Variants in ATP8B4 observed in about 807,000 individuals in gnomAD.
ATP8B4 encodes the protein probable phospholipid-transporting ATPase IM.
Under a neutral mutation model 145.6 loss-of-function variants are expected in ATP8B4, and 133 were observed. The observed-to-expected ratio is 0.91, with a 90% confidence interval of 0.79 to 1.05. The LOEUF is 1.05. ATP8B4 is among the 50% of genes least tolerant of loss of function. ATP8B4 has a pLI of 0.00. For synonymous variants in ATP8B4, 507 were observed against 492.9 expected, an observed-to-expected ratio of 1.03 and a Z score of -0.38; for missense variants, 1,458 against 1,425.2, an observed-to-expected ratio of 1.02 and a Z score of -0.37.
chr15:50,112,523 C>G (rs2056994535), intron 1 of ATP8B4, among the ~76,000 whole-genome samples: 1 of 152,038 alleles, frequency 6.6e-6, no homozygotes. Context: ...ATGCTCCTTT[C>G]TCTGTTCCGT....
intron 6 of ATP8B4, among the ~76,000 whole-genome samples, chr15:50,028,575 A>G (rs957601804): frequency 6.6e-6 from 1 of 152,182 alleles, no homozygotes; most frequent in Admixed American, 6.5e-5. Context: ...AGAAGTAAAA[A>G]CAACAAAATG....
intron 25 of ATP8B4, among the ~76,000 whole-genome samples, chr15:49,870,448 A>G (rs1322645444): frequency 6.6e-6 from 1 of 152,202 alleles, no homozygotes; most frequent in Non-Finnish European, 1.5e-5. Flanking sequence ...TATAATTCAA[A>G]TAATTGAAAA....
chr15:50,155,154 C>A (rs1042104556), intron 1 of ATP8B4, among the ~76,000 whole-genome samples: 2 of 151,998 alleles, frequency 1.3e-5, no homozygotes, highest in East Asian at 1.9e-4. Flanking sequence ...AAGTAAGAAC[C>A]TTGAAGTTAA....
chr15:50,081,588 T>C (rs1392828558), intron 2 of ATP8B4, among the ~76,000 whole-genome samples: 2 of 152,182 alleles, frequency 1.3e-5, no homozygotes, highest in African/African-American at 4.8e-5. Flanking sequence ...CCACTTCCAG[T>C]AGGCAAAAGA....
intron 2 of ATP8B4, among the ~76,000 whole-genome samples, chr15:50,105,079 A>G (rs1339500016): frequency 6.6e-6 from 1 of 152,094 alleles, no homozygotes; most frequent in African/African-American, 2.4e-5. Flanking sequence ...GAATGATACA[A>G]TGGATTTTGG....
upstream of ATP8B4, among the ~76,000 whole-genome samples, chr15:50,123,707 C>T (rs906132341): frequency 2.0e-5 from 3 of 152,136 alleles, no homozygotes; most frequent in African/African-American, 7.2e-5. Context: ...TTCTCTGTTG[C>T]AATTCCCCTG....
chr15:49,869,318 G>C (rs1254618452), intron 25 of ATP8B4, among the ~76,000 whole-genome samples: 1 of 151,346 alleles, frequency 6.6e-6, no homozygotes, highest in African/African-American at 2.4e-5. Context: ...TATTAATATA[G>C]CATGATAAAA....
intron 6 of ATP8B4, among the ~76,000 whole-genome samples, chr15:50,021,767 A>T (rs1257393410): frequency 1.3e-5 from 2 of 152,120 alleles, no homozygotes; most frequent in Non-Finnish European, 2.9e-5. Context: ...TAGGGCAGGG[A>T]TTTATCTGGC....
chr15:50,084,634 A>G (rs1295253149), intron 2 of ATP8B4, among the ~76,000 whole-genome samples: 3 of 152,212 alleles, frequency 2.0e-5, no homozygotes, highest in Non-Finnish European at 4.4e-5. Context: ...ATTATCTTAC[A>G]GTTCTGAAAG....
chr15:50,020,915 G>T (rs949711844), intron 6 of ATP8B4, among the ~76,000 whole-genome samples: 2 of 152,096 alleles, frequency 1.3e-5, no homozygotes, highest in African/African-American at 4.8e-5. Flanking sequence ...AGTATTGATA[G>T]ATAACAGAAT....
intron 2 of ATP8B4, among the ~76,000 whole-genome samples, chr15:50,089,864 A>T (rs2055484552): frequency 6.6e-6 from 1 of 152,150 alleles, no homozygotes; most frequent in Non-Finnish European, 1.5e-5. Flanking sequence ...ATTACTAGGT[A>T]TATACCCGAA....
At chr15:50,073,028 A>ACT (rs2053949451) in intron 3 of ATP8B4, among the ~76,000 whole-genome samples, 1 of 93,412 alleles carries the variant, frequency 1.1e-5, no homozygotes, top group Non-Finnish European at 2.1e-5. Flanking sequence ...ATACACACAC[A>ACT]CACACACACA....
chr15:49,986,470 C>T lies in ATP8B4; in HGVS notation c.748+921G>A, dbSNP rs185069562. On this transcript the variant is annotated intron_variant, in intron 10 of 27. Transcript: ENST00000284509. ...GCTCATTTCTAGGGATTTCCCAAGT[C>T]TTTACAATGGCAATGCCCCAAGCGG... 3.5e-3 allele frequency among the ~76,000 whole-genome samples: 527 copies of T among 152,300 alleles called. 1 individual carries two copies. The highest frequency in any genetic ancestry group is 5.6e-3 in the Non-Finnish European group (381 of 68,012).
Position 49,901,249 on chromosome 15 carries a change from G to A in ATP8B4, c.2142-10C>T, listed in dbSNP as rs2037996135. ...ATTTTGTTTTGCTTTCCTTAAAGGA[G>A]AGGGTGAAAAGTGAAACATAACAAA... On this transcript the variant is annotated splice_polypyrimidine_tract_variant and intron_variant, in intron 20 of 27. Coordinates refer to ENST00000284509, the MANE Select transcript of ATP8B4 (RefSeq NM_024837.4). The A allele has an allele frequency of 1.9e-6, 3 of 1,611,934 alleles. No homozygotes were observed. The highest frequency in any genetic ancestry group is 2.5e-6 in the Non-Finnish European group (3 of 1,178,762).
At chr15:49,950,073 T>G (rs1261585153) in intron 14 of ATP8B4, among the ~76,000 whole-genome samples, 13 of 152,226 alleles carry the variant, frequency 8.5e-5, no homozygotes. Context: ...AGTATTTTAT[T>G]GAAGATTTTT....
chr15:49,987,659 G>A, intron 9 of ATP8B4, 110 bp from the exon 10 acceptor site: 1 of 1,124,382 alleles, frequency 8.9e-7, no homozygotes, highest in South Asian at 1.7e-5. Flanking sequence ...ACAGCCTGGG[G>A]TTACATATAA....
chr15:49,952,045 T>C (rs527415995), intron 14 of ATP8B4, among the ~76,000 whole-genome samples: 14 of 152,294 alleles, frequency 9.2e-5, no homozygotes, highest in African/African-American at 3.4e-4. Flanking sequence ...GCTTGTAGAG[T>C]TTCTGCTGAG....
chr15:50,037,530 A>T (rs997548910), intron 6 of ATP8B4, among the ~76,000 whole-genome samples: 1 of 152,246 alleles, frequency 6.6e-6, no homozygotes, highest in African/African-American at 2.4e-5. Context: ...ACAGAGGAGA[A>T]ATCCAGTGCT....
Position 50,061,279 on chromosome 15 carries a change from T to C in ATP8B4, c.87+12848A>G, listed in dbSNP as rs572162425. Among the ~76,000 whole-genome samples the C allele has an allele frequency of 4.6e-5, 7 of 151,996 alleles. No individual in the cohort carries two copies. The East Asian group carries it at 5.8e-4, about 13-fold the overall frequency. On this transcript the variant is annotated intron_variant, in intron 3 of 27. Transcript: ENST00000284509. ...TAAAAAGATCAGATCAAGCATCAAA[T>C]TGGAAAATAAAGGAATCATGGAGGA...
Sources: gnomAD v4.1 joint callset for allele counts (sites outside exome capture counted in the v4.1 genomes callset) on GRCh38, gnomAD v4.1.1 for gene constraint, MANE v1.5 for transcripts, NCBI Gene and HGNC (gene_info 2026-07-23, HGNC 2026-07-21) for gene names.